PLEKHA6: variants seen among roughly 807,000 people sequenced by gnomAD.
The protein encoded by PLEKHA6 is pleckstrin homology domain-containing family A member 6.
In PLEKHA6, 60 loss-of-function variants were observed where a neutral mutation model predicts 116.7. The ratio of observed to expected loss-of-function variants is 0.51; its 90% confidence interval spans 0.42 to 0.64. The LOEUF is 0.64. Among genes scored for constraint, PLEKHA6 ranks in the 30% least tolerant of loss-of-function variants. PLEKHA6 has a pLI of 0.00. For synonymous variants in PLEKHA6, 489 were observed against 556.1 expected (o/e 0.88, Z 1.70); for missense variants, 1,338 against 1,422.7 (o/e 0.94, Z 0.96).
chr1:204,241,564 A>C (rs1260131353), intron 16 of PLEKHA6, 83 bp from the exon 17 acceptor site: 32 of 1,384,650 alleles, frequency 2.3e-5, no homozygotes, highest in Non-Finnish European at 2.8e-5. Flanking sequence ...TCTCAGCCCC[A>C]CTCTCCACCG....
chr1:204,273,615 G>A lies in PLEKHA6; in HGVS notation c.102+11C>T. ...TCCAGCCCAACAGCTTGCCTTGAGGGCTGGACTTACCCGGACGCTGGGCCG... is the reference window on the plus strand; with the variant it reads ...TCCAGCCCAACAGCTTGCCTTGAGGACTGGACTTACCCGGACGCTGGGCCG... On this transcript the variant is annotated intron_variant, in intron 3 of 22. Coordinates refer to ENST00000272203, the MANE Select transcript of PLEKHA6 (RefSeq NM_014935.5). 1 of 1,589,422 alleles carries A rather than the reference G, an allele frequency of 6.3e-7. No individual in the cohort carries two copies.
At chr1:204,351,300 A>G (rs1673274064) in intron 1 of PLEKHA6, among the ~76,000 whole-genome samples, 2 of 152,210 alleles carry the variant, frequency 1.3e-5, no homozygotes, top group South Asian at 4.1e-4. Context: ...GGCTCCCCCA[A>G]CTTGGGCATG....
Position 204,261,431 on chromosome 1 carries a change from G to A in PLEKHA6, c.399C>T (p.Val133=). 1 of 1,612,092 alleles carries A rather than the reference G, an allele frequency of 6.2e-7. No homozygotes were observed. Among genetic ancestry groups the A allele is most frequent in the South Asian group, 1.1e-5 (1 of 90,864 alleles). The part of the protein sequence containing the change: ...KHTFKAEHAG[V]RTYFFSAESP... ...TCTCGGCACTGAAGAAGTAGGTGCG[G>A]ACCCCGGCATGCTCAGCCTGTGGGG... Residue 133 remains valine, a synonymous_variant, in exon 7 of 23, where the codon GTC becomes GTT. Coordinates refer to ENST00000272203, the MANE Select transcript of PLEKHA6 (RefSeq NM_014935.5). This position sits in a 1 kb window ranked among gnomAD's most constrained non-coding sequence, Gnocchi z 4.0.
chr1:204,354,089 C>T (rs1206074649), intron 1 of PLEKHA6, among the ~76,000 whole-genome samples: 1 of 152,180 alleles, frequency 6.6e-6, no homozygotes, highest in Non-Finnish European at 1.5e-5. Flanking sequence ...AAATTGGCAC[C>T]TGCAATTATA....
At chr1:204,265,101 G>T in intron 5 of PLEKHA6, 59 bp from the exon 6 acceptor site, 1 of 1,126,398 alleles carries the variant, frequency 8.9e-7, no homozygotes, top group Non-Finnish European at 1.4e-6. Context: ...GTGTGCGTGC[G>T]CCAGGGGTGG....
chr1:204,246,034 C>CA (rs1418303045), intron 13 of PLEKHA6, among the ~76,000 whole-genome samples: 3 of 152,190 alleles, frequency 2.0e-5, no homozygotes, highest in African/African-American at 7.2e-5. Flanking sequence ...AGTGAATGCC[C>CA]ATCTAAGTGA....
chr1:204,231,969 C>T (rs1429539936), intron 17 of PLEKHA6, among the ~76,000 whole-genome samples: 7 of 151,912 alleles, frequency 4.6e-5, no homozygotes, highest in Admixed American at 1.3e-4. Context: ...ATGCGGAACC[C>T]GGAGATATGG....
upstream of PLEKHA6, among the ~76,000 whole-genome samples, chr1:204,363,760 G>A (rs111597544): frequency 6.6e-6 from 1 of 152,154 alleles, no homozygotes; most frequent in Admixed American, 6.5e-5. Flanking sequence ...TGTCACCTCC[G>A]AGAAGGCGCC....
chr1:204,236,557 T>A (rs2102503010), intron 17 of PLEKHA6, among the ~76,000 whole-genome samples: 1 of 152,216 alleles, frequency 6.6e-6, no homozygotes, highest in Admixed American at 6.5e-5. Context: ...AAAATTTAAA[T>A]ACAATGGGAA....
intron 1 of PLEKHA6, among the ~76,000 whole-genome samples, chr1:204,336,011 A>C (rs1436323905): frequency 6.6e-6 from 1 of 152,186 alleles, no homozygotes; most frequent in Admixed American, 6.5e-5. Context: ...TAGTGTCAAG[A>C]AGGGCTTTGT....
chr1:204,248,686 AT>A, intron 12 of PLEKHA6, 134 bp downstream of exon 12: 1 of 692,942 alleles, frequency 1.4e-6, no homozygotes, highest in Non-Finnish European at 2.4e-6. Flanking sequence ...GTCTTTGTTT[AT>A]GCCCCTCTGC....
At chr1:204,299,705 C>T (rs1437820229) in intron 1 of PLEKHA6, 3 of 868,148 alleles carry the variant, frequency 3.5e-6, no homozygotes, top group Non-Finnish European at 4.1e-6. Flanking sequence ...TAACCTGCCC[C>T]CTCATGTCTT....
chr1:204,320,685 G>A (rs1672028834), intron 1 of PLEKHA6: 1 of 152,852 alleles, frequency 6.5e-6, no homozygotes, highest in Admixed American at 6.5e-5. Flanking sequence ...CATGGCTATT[G>A]CTCATACATC....
intron 1 of PLEKHA6, among the ~76,000 whole-genome samples, chr1:204,283,650 C>G (rs1429077558): frequency 6.6e-6 from 1 of 152,290 alleles, no homozygotes; most frequent in South Asian, 2.1e-4. Context: ...GCTCCCTGCC[C>G]CTAGGAAAGC....
chr1:204,273,812 C>A (rs1439202013), intron 2 of PLEKHA6, 72 bp from the exon 3 acceptor site: 2 of 989,838 alleles, frequency 2.0e-6, no homozygotes, highest in African/African-American at 1.6e-5. Flanking sequence ...CATCCTTTTT[C>A]CACACCCTGC....
At chr1:204,255,573 G>C in intron 9 of PLEKHA6, 1 of 700,696 alleles carries the variant, frequency 1.4e-6, no homozygotes, top group Non-Finnish European at 2.6e-6. Flanking sequence ...GAGGAGTGGA[G>C]AGATGCGACA....
At chr1:204,255,984 T>C (rs950697528) in intron 9 of PLEKHA6, among the ~76,000 whole-genome samples, 1 of 152,128 alleles carries the variant, frequency 6.6e-6, no homozygotes, top group South Asian at 2.1e-4. Context: ...AGGCAGCACT[T>C]GTTAGCAGCT....
chr1:204,273,994 C>T (rs1182710965), intron 2 of PLEKHA6, among the ~76,000 whole-genome samples: 1 of 152,136 alleles, frequency 6.6e-6, no homozygotes, highest in Non-Finnish European at 1.5e-5. Flanking sequence ...AGCACAGTGG[C>T]ACAATCAAGA....
At chr1:204,249,104 G>A in intron 11 of PLEKHA6, 80 bp downstream of exon 11, 1 of 1,476,162 alleles carries the variant, frequency 6.8e-7, no homozygotes, top group Non-Finnish European at 9.4e-7. Context: ...TCTCAGTCAG[G>A]TTGGAGACAG....
Sources: gnomAD v4.1 joint callset for allele counts (sites outside exome capture counted in the v4.1 genomes callset) on GRCh38, gnomAD v4.1.1 for gene constraint, Gnocchi (gnomAD v3.1) non-coding constraint, MANE v1.5 for transcripts, NCBI Gene and HGNC (gene_info 2026-07-23, HGNC 2026-07-21) for gene names.